The following RHBDF1 variants were observed in gnomAD, a reference collection of about 807,000 sequenced individuals.
The protein encoded by RHBDF1 is rhomboid 5 homolog 1.
A neutral mutation model predicts 98.6 loss-of-function variants in RHBDF1; 80 were observed. The ratio of observed to expected loss-of-function variants is 0.81; its 90% CI spans 0.68 to 0.98. RHBDF1 has a LOEUF of 0.98. RHBDF1 is among the 50% of genes least tolerant of loss of function. The probability of loss-of-function intolerance (pLI) is 0.00; values close to 1 mark genes in which losing one functional copy is unlikely to be tolerated. For synonymous variants in RHBDF1, 512 were observed against 486.8 expected (o/e 1.05, Z -0.68); for missense variants, 1,116 against 1,198.3 (o/e 0.93, Z 1.01).
intron 3 of RHBDF1, 76 bp downstream of exon 3, chr16:64,623 C>A: frequency 2.6e-6 from 4 of 1,550,900 alleles, no homozygotes; most frequent in Non-Finnish European, 2.6e-6. Context: ...GTTCTCATTT[C>A]CATCCTCTGT....
intron 3 of RHBDF1, 193 bp from the exon 4 acceptor site, chr16:63,993 G>T: frequency 1.4e-6 from 1 of 733,506 alleles, no homozygotes; most frequent in Non-Finnish European, 2.5e-6. Context: ...CCAACTCCAA[G>T]TTTCCACTAG....
chr16:60,450 G>C lies in RHBDF1; in HGVS notation c.1647C>G (p.His549Gln). Residue 549 changes from histidine to glutamine, a missense_variant, in exon 12 of 18, where the codon CAC becomes CAG. Physicochemically the swap from His to Gln is conservative, Grantham distance 24. Transcript: ENST00000262316. ...GHKRQFGSVCHQDPRVCDEPS... is the reference protein window; with the variant it reads ...GHKRQFGSVCQQDPRVCDEPS... ...CCGGCAGGACTAACCTGGGATCCTGGTGGCAGACAGAGCCAAACTGTCTCT... is the reference window on the plus strand; with the variant it reads ...CCGGCAGGACTAACCTGGGATCCTGCTGGCAGACAGAGCCAAACTGTCTCT... 1 of 1,612,224 alleles carries C rather than the reference G, an allele frequency of 6.2e-7. No homozygotes were observed. The highest frequency in any genetic ancestry group is 1.3e-5 in the African/African-American group (1 of 75,068).
chr16:67,943 G>A (rs1356080127), intron 1 of RHBDF1, among the ~76,000 whole-genome samples: 4 of 152,090 alleles, frequency 2.6e-5, no homozygotes, highest in South Asian at 2.1e-4. Flanking sequence ...GAGCGTGTAC[G>A]GGGAACCTGA....
Position 59,837 on chromosome 16 carries a change from A to T in RHBDF1, c.1723-11T>A. The T allele has an allele frequency of 6.2e-7, 1 of 1,614,050 alleles. No individual in the cohort carries two copies. The highest frequency in any genetic ancestry group is 8.5e-7 in the Non-Finnish European group (1 of 1,179,984). ...GTTTTTGGTGCAGATCTGGGTCACA[A>T]ATGAGGACGAGCTGAGTCAGGGCCT... On this transcript the variant is annotated splice_polypyrimidine_tract_variant and intron_variant, in intron 13 of 17. Transcript: ENST00000262316.
chr16:74,069 G>C (rs1436099210), upstream of RHBDF1: 2 of 431,022 alleles, frequency 4.6e-6, no homozygotes, highest in Non-Finnish European at 6.2e-6. Flanking sequence ...AGCTTTGGAG[G>C]GGGTGGAGGG....
intron 11 of RHBDF1, chr16:60,829 T>A (rs35497622): frequency 0.09 from 50,544 of 563,736 alleles, 2,765 homozygotes; most frequent in Middle Eastern, 0.21. Context: ...TGAATTTTTT[T>A]AAAAATTGCT....
chr16:75,388 T>TA (rs1898067511), upstream of RHBDF1, among the ~76,000 whole-genome samples: 1 of 152,228 alleles, frequency 6.6e-6, no homozygotes, highest in South Asian at 2.1e-4. Flanking sequence ...GCTCAGCTTC[T>TA]AGGCCACAAG....
rs369588339 is a variant in RHBDF1 at position 59,229 on chromosome 16, C to T, written c.1994+20G>A. ...CCTGAGGGCCCTGAGACCCCCGACC[C>T]GGCCCACAGTGTCACTTGCCCGGCG... On this transcript the variant is annotated intron_variant, in intron 16 of 17. Coordinates refer to ENST00000262316, the MANE Select transcript of RHBDF1 (RefSeq NM_022450.5). The T allele has an allele frequency of 4.4e-5, 70 of 1,591,866 alleles. No individual in the cohort carries two copies. Among genetic ancestry groups the T allele is most frequent in the African/African-American group, 2.9e-4 (22 of 74,726 alleles).
chr16:64,687 C>T lies in RHBDF1; in HGVS notation c.248+12G>A, dbSNP rs200258580. On this transcript the variant is annotated intron_variant, in intron 3 of 17. Coordinates refer to ENST00000262316, the MANE Select transcript of RHBDF1 (RefSeq NM_022450.5). ...GCTCCCACCCCATGGAGCAGCTGGG[C>T]GGTGTTGGTACCTGCGGATGGTCTG... 21 of 1,600,714 alleles carry T rather than the reference C, an allele frequency of 1.3e-5. No individual in the cohort carries two copies. Among genetic ancestry groups the T allele is most frequent in the East Asian group, 4.5e-5 (2 of 44,652 alleles).
intron 1 of RHBDF1, among the ~76,000 whole-genome samples, chr16:65,553 C>T (rs1897806883): frequency 6.6e-6 from 1 of 152,104 alleles, no homozygotes; most frequent in South Asian, 2.1e-4. Context: ...GGTTTCCACA[C>T]ACAGGGGACA....
intron 10 of RHBDF1, 49 bp from the exon 11 acceptor site, chr16:61,330 G>C (rs1179209314): frequency 6.5e-7 from 1 of 1,542,928 alleles, no homozygotes; most frequent in Non-Finnish European, 8.7e-7. Flanking sequence ...TCCTGCCCCC[G>C]CCGGGCACCT....
At position 58,628 on chromosome 16, in the gene RHBDF1, G is replaced by A; in HGVS notation, c.2280C>T (p.Thr760=). The part of the protein sequence containing the change: ...KLLAVVLFLF[T]FGLLPWIDNF... Reference sequence around the variant, plus strand: ...TGTCAATCCACGGCAGCAGCCCAAAGGTGAAGAGGAAGAGCACCACAGCCA... The same window carrying A: ...TGTCAATCCACGGCAGCAGCCCAAAAGTGAAGAGGAAGAGCACCACAGCCA... The change falls in exon 18 of 18, where the codon ACC becomes ACT. Residue 760 remains threonine, a synonymous_variant. Transcript: ENST00000262316. 1.2e-6 allele frequency: 2 copies of A among 1,613,644 alleles called. No homozygotes were observed. Among genetic ancestry groups the A allele is most frequent in the Non-Finnish European group, 1.7e-6 (2 of 1,180,034 alleles).
At chr16:68,057 C>A (rs1397051619) in intron 1 of RHBDF1, among the ~76,000 whole-genome samples, 1 of 152,166 alleles carries the variant, frequency 6.6e-6, no homozygotes, top group Non-Finnish European at 1.5e-5. Flanking sequence ...CTCCCCAGGA[C>A]TGTCTCAGCC....
At chr16:69,780 G>A (rs1897922908) in intron 1 of RHBDF1, among the ~76,000 whole-genome samples, 1 of 152,176 alleles carries the variant, frequency 6.6e-6, no homozygotes, top group Non-Finnish European at 1.5e-5. Context: ...GAAGAAATGA[G>A]GTTCAGGGTG....
rs568359532 is a variant in RHBDF1, at chr16:60,478, T to C, written c.1619A>G (p.His540Arg). Residue 540 changes from histidine to arginine, a missense_variant, in exon 12 of 18, where the codon CAC (histidine) becomes CGC (arginine). Transcript: ENST00000262316. ...GCAGACAGAGCCAAACTGTCTCTTG[T>C]GGCCCGCAAGCTCTGGGGCGCTGGG... is the stretch of plus-strand genomic sequence containing the variant. ...IHPSAPELAG[H>R]KRQFGSVCHQ... 2 of 1,612,132 alleles carry C rather than the reference T, an allele frequency of 1.2e-6. No individual in the cohort carries two copies. The highest frequency in any genetic ancestry group is 1.7e-6 in the Non-Finnish European group (2 of 1,180,008).
chr16:66,788 G>C (rs1897841441), intron 1 of RHBDF1, among the ~76,000 whole-genome samples: 1 of 152,172 alleles, frequency 6.6e-6, no homozygotes, highest in Non-Finnish European at 1.5e-5. Flanking sequence ...TACTTGGCCT[G>C]GAATCAGGGG....
rs774143200 is a variant in RHBDF1 at position 62,804 on chromosome 16, C to T, written c.766G>A (p.Asp256Asn). ...FLEEDTTDFPDELDTSFFARE... is the reference protein window; with the variant it reads ...FLEEDTTDFPNELDTSFFARE... ...GCAAAGAAGGATGTGTCCAGCTCAT[C>T]GGGGAAATCAGTTGTGTCCTCCTCC... The change falls in exon 6 of 18, where the codon GAT becomes AAT. Residue 256 changes from aspartate (D) to asparagine (N), a missense_variant. Transcript: ENST00000262316. 7.4e-6 allele frequency: 12 copies of T among 1,614,026 alleles called. No individual in the cohort carries two copies. The highest frequency in any genetic ancestry group is 4.5e-5 in the East Asian group (2 of 44,882).
intron 4 of RHBDF1, 22 bp from the exon 5 acceptor site, chr16:63,204 TGGAGTCA>T: frequency 6.5e-7 from 1 of 1,543,454 alleles, no homozygotes; most frequent in African/African-American, 1.4e-5. Context: ...GAGGAGATGC[TGGAGTCA>T]GGACCATGGG....
intron 17 of RHBDF1, 33 bp downstream of exon 17, chr16:58,941 C>G (rs767655649): frequency 1.1e-5 from 18 of 1,608,658 alleles, no homozygotes; most frequent in Admixed American, 5.0e-5. Flanking sequence ...CAGGTGCACA[C>G]GGGAGGATCC....
Sources: gnomAD v4.1 joint callset for allele counts (sites outside exome capture counted in the v4.1 genomes callset) on GRCh38, gnomAD v4.1.1 for gene constraint, MANE v1.5 for transcripts, NCBI Gene and HGNC (gene_info 2026-07-23, HGNC 2026-07-21) for gene names.